PPP1CB: variants seen among roughly 807,000 people sequenced by gnomAD.
PPP1CB encodes the protein serine/threonine-protein phosphatase PP1-beta catalytic subunit.
A neutral mutation model predicts 43.7 loss-of-function variants in PPP1CB; 2 were observed. The observed-to-expected ratio is 0.05, with a 90% confidence interval of 0.02 to 0.14. The LOEUF is 0.14. Among genes scored for constraint, PPP1CB ranks in the 10% least tolerant of loss-of-function variants. The probability of loss-of-function intolerance (pLI) is 1.00; values close to 1 mark genes in which losing one functional copy is unlikely to be tolerated. For missense variants in PPP1CB, 84 were observed against 398.0 expected (o/e 0.21, Z 6.71); for synonymous variants, 136 against 135.6 (o/e 1.00, Z -0.02).
chr2:28,753,860 A>G (rs1666412006), intron 1 of PPP1CB, among the ~76,000 whole-genome samples: 1 of 151,890 alleles, frequency 6.6e-6, no homozygotes, highest in African/African-American at 2.4e-5. Context: ...CAGCCTCCTG[A>G]GTAGCTGGGA....
chr2:28,793,699 G>A (rs984610882), intron 6 of PPP1CB, among the ~76,000 whole-genome samples, 164 bp from the exon 7 acceptor site: 5 of 152,138 alleles, frequency 3.3e-5, no homozygotes, highest in Admixed American at 6.5e-5. Context: ...CAGTTTTAAT[G>A]TTCTAAGCAA....
At chr2:28,785,639 T>C (rs1471995974) in intron 5 of PPP1CB, among the ~76,000 whole-genome samples, 1 of 151,676 alleles carries the variant, frequency 6.6e-6, no homozygotes, top group African/African-American at 2.4e-5. Flanking sequence ...AACACCCATC[T>C]CTACAGAGAA....
chr2:28,779,875 A>G (rs1029137135), intron 3 of PPP1CB, among the ~76,000 whole-genome samples: 2 of 152,188 alleles, frequency 1.3e-5, no homozygotes, highest in African/African-American at 2.4e-5. Context: ...GTGAAGCAAT[A>G]CACAATACAG....
chr2:28,751,727 C>T (rs935466829), upstream of PPP1CB: 7 of 246,534 alleles, frequency 2.8e-5, no homozygotes, highest in Non-Finnish European at 5.6e-5. Flanking sequence ...GCGGGGAGCG[C>T]ACCGCGCGCC....
At chr2:28,784,278 T>C (rs1433067415) in intron 5 of PPP1CB, among the ~76,000 whole-genome samples, 1 of 152,204 alleles carries the variant, frequency 6.6e-6, no homozygotes, top group Non-Finnish European at 1.5e-5. Flanking sequence ...CTAGCATTGG[T>C]TATGTTCTTC....
rs143289126 is a variant in PPP1CB at position 28,774,262 on chromosome 2, A to G, written c.53-2589A>G. 4.2e-3 allele frequency among the ~76,000 whole-genome samples: 638 copies of G among 152,314 alleles called. 6 individuals are homozygous for G. The highest frequency in any genetic ancestry group is 0.015 in the African/African-American group (604 of 41,568). On this transcript the variant is annotated intron_variant, in intron 1 of 7. Coordinates refer to ENST00000395366, the MANE Select transcript of PPP1CB (RefSeq NM_002709.3). The stretch of plus-strand genomic sequence containing the variant: ...TGACTTAGTAGTCAAGTTACAACTA[A>G]GTTTTGATAATGTACTGTTCTTCTT...
intron 3 of PPP1CB, 151 bp from the exon 4 acceptor site, chr2:28,781,587 A>T (rs1667159253): frequency 5.0e-6 from 3 of 599,302 alleles, no homozygotes; most frequent in Non-Finnish European, 8.8e-6. Context: ...AAGTACGTAA[A>T]TAACATCTTT....
chr2:28,751,710 A>C (rs1666270569), upstream of PPP1CB: 3 of 228,446 alleles, frequency 1.3e-5, no homozygotes, highest in Non-Finnish European at 2.6e-5. Context: ...CGTCGAGGGG[A>C]GCCTCGGCGG....
chr2:28,797,315 G>C (rs1667517401), intron 7 of PPP1CB, among the ~76,000 whole-genome samples: 1 of 152,040 alleles, frequency 6.6e-6, no homozygotes, highest in Admixed American at 6.6e-5. Flanking sequence ...CCTCTTCCTG[G>C]ATTGTTTGGA....
intron 1 of PPP1CB, among the ~76,000 whole-genome samples, chr2:28,765,128 C>A (rs575738243): frequency 6.6e-6 from 1 of 152,148 alleles, no homozygotes; most frequent in South Asian, 2.1e-4. Flanking sequence ...AAAGACAAAC[C>A]TGCAATGGAA....
At chr2:28,795,045 C>T (rs1164653533) in intron 7 of PPP1CB, among the ~76,000 whole-genome samples, 2 of 152,054 alleles carry the variant, frequency 1.3e-5, no homozygotes, top group African/African-American at 4.8e-5. Context: ...TCTTTATGTC[C>T]ATGTTTACCC....
At chr2:28,775,333 T>C (rs1667013727) in intron 1 of PPP1CB, among the ~76,000 whole-genome samples, 1 of 152,142 alleles carries the variant, frequency 6.6e-6, no homozygotes, top group Non-Finnish European at 1.5e-5. Context: ...GATCTTGCGC[T>C]CCTGAGCTCA....
intron 1 of PPP1CB, among the ~76,000 whole-genome samples, chr2:28,753,502 T>C (rs146779955): frequency 6.6e-6 from 1 of 152,358 alleles, no homozygotes; most frequent in East Asian, 1.9e-4. Context: ...GGAACTCTTA[T>C]TTACCTTTTC....
chr2:28,788,013 T>C (rs1460510898), intron 5 of PPP1CB, among the ~76,000 whole-genome samples: 1 of 152,126 alleles, frequency 6.6e-6, no homozygotes, highest in African/African-American at 2.4e-5. Context: ...AGGGTCTCAG[T>C]AGAAAATGTT....
intron 1 of PPP1CB, among the ~76,000 whole-genome samples, chr2:28,775,905 C>T (rs1411008071): frequency 6.6e-6 from 1 of 152,116 alleles, no homozygotes; most frequent in East Asian, 1.9e-4. Flanking sequence ...GCAAAGATGC[C>T]TCACTCCATC....
chr2:28,791,374 G>C (rs1367934679), intron 6 of PPP1CB, among the ~76,000 whole-genome samples: 1 of 151,178 alleles, frequency 6.6e-6, no homozygotes, highest in Non-Finnish European at 1.5e-5. Flanking sequence ...ACTGTTTCCC[G>C]GGCTGGTGTG....
At chr2:28,753,690 C>A (rs922910675) in intron 1 of PPP1CB, among the ~76,000 whole-genome samples, 6 of 151,692 alleles carry the variant, frequency 4.0e-5, no homozygotes, top group African/African-American at 1.5e-4. Flanking sequence ...ATGTGTATGT[C>A]TTGTTTACAT....
intron 5 of PPP1CB, among the ~76,000 whole-genome samples, chr2:28,787,234 C>A (rs113179449): frequency 6.6e-6 from 1 of 151,974 alleles, no homozygotes; most frequent in Non-Finnish European, 1.5e-5. Context: ...CCGAAGCGGG[C>A]GGATCACGAG....
chr2:28,779,053 A>C lies in PPP1CB; in HGVS notation c.415+14A>C, dbSNP rs1243473550. ...TCTATGATGAATGTAAGTGAAAATA[A>C]AGACTTAGAAAAGTAATTCATGGAA... On this transcript the variant is annotated intron_variant, in intron 3 of 7. Transcript: ENST00000395366. 6.6e-7 allele frequency: 1 copy of C among 1,513,862 alleles called. No individual in the cohort carries two copies. The highest frequency in any genetic ancestry group is 9.1e-7 in the Non-Finnish European group (1 of 1,101,956). The allele number at this position is 1,513,862 out of a possible 1,614,324, so 93.8% of individuals were successfully genotyped here. A position where few individuals can be genotyped will look rare whatever the true frequency, so the allele number is the denominator to read the frequency against.
Sources: allele counts gnomAD v4.1 joint callset (sites outside exome capture counted in the v4.1 genomes callset), GRCh38; gene constraint gnomAD v4.1.1; transcripts MANE v1.5; gene names NCBI Gene and HGNC (gene_info 2026-07-23, HGNC 2026-07-21).